Variants in SLC38A12 observed in about 807,000 individuals in gnomAD.
The protein encoded by SLC38A12 is solute carrier family 38 member 12.
chr17:74,833,638 C>T, the SLC38A12 span, among the ~76,000 whole-genome samples: 10 of 152,188 alleles, frequency 6.6e-5, no homozygotes, highest in African/African-American at 9.7e-5. Flanking sequence ...GGGATGCTCA[C>T]GTCCAGACAG....
the SLC38A12 span, chr17:74,838,318 T>G: frequency 1.0e-6 from 1 of 985,954 alleles, no homozygotes; most frequent in African/African-American, 1.7e-5. Context: ...TCAGGTTGGG[T>G]AGAGCAGGGG....
the SLC38A12 span, among the ~76,000 whole-genome samples, chr17:74,831,171 G>A: frequency 3.3e-5 from 5 of 152,184 alleles, no homozygotes; most frequent in South Asian, 8.3e-4. Flanking sequence ...CGCCTCCCGC[G>A]ACGGGGATCT....
At chr17:74,825,566 G>A in the SLC38A12 span, among the ~76,000 whole-genome samples, 1 of 152,182 alleles carries the variant, frequency 6.6e-6, no homozygotes, top group Non-Finnish European at 1.5e-5. Flanking sequence ...CCGAGCAAAG[G>A]GTGTTGCCCT....
At chr17:74,822,270 G>A in the SLC38A12 span, among the ~76,000 whole-genome samples, 3 of 152,196 alleles carry the variant, frequency 2.0e-5, no homozygotes, top group Non-Finnish European at 4.4e-5. Context: ...TTGCCATTCT[G>A]CTGTTGGAGA....
the SLC38A12 span, among the ~76,000 whole-genome samples, chr17:74,779,613 G>A: frequency 2.6e-5 from 4 of 152,194 alleles, no homozygotes; most frequent in African/African-American, 9.7e-5. Context: ...CAGATAAGCT[G>A]TGGAACTAAC....
chr17:74,827,359 A>G, the SLC38A12 span, among the ~76,000 whole-genome samples: 2 of 151,188 alleles, frequency 1.3e-5, no homozygotes, highest in Non-Finnish European at 2.9e-5. This position sits in a 1 kb window ranked among gnomAD's most constrained non-coding sequence, Gnocchi z 4.7. Flanking sequence ...GCAGCAGCAC[A>G]ATCTCGGCTC....
At chr17:74,836,193 A>G in the SLC38A12 span, 1 of 1,612,466 alleles carries the variant, frequency 6.2e-7, no homozygotes, top group Admixed American at 1.7e-5. This position sits in a 1 kb window ranked among gnomAD's most constrained non-coding sequence, Gnocchi z 4.2. Flanking sequence ...CCGCGGCGAC[A>G]GCCTCATGGA....
chr17:74,796,127 A>G, the SLC38A12 span, among the ~76,000 whole-genome samples: 1 of 152,158 alleles, frequency 6.6e-6, no homozygotes, highest in Non-Finnish European at 1.5e-5. Context: ...TGGACAAGAG[A>G]AGACGATGAA....
At chr17:74,791,078 C>G in the SLC38A12 span, 1 of 1,566,602 alleles carries the variant, frequency 6.4e-7, no homozygotes, top group Middle Eastern at 1.9e-4. Context: ...AAACGGGGAG[C>G]TGGTGCTTCC....
At chr17:74,788,098 GTTTC>G in the SLC38A12 span, among the ~76,000 whole-genome samples, 1 of 152,200 alleles carries the variant, frequency 6.6e-6, no homozygotes, top group Middle Eastern at 3.4e-3. Context: ...CTGGCCTCAA[GTTTC>G]TTTAAGAGGA....
chr17:74,809,226 A>T, the SLC38A12 span, among the ~76,000 whole-genome samples: 2 of 152,134 alleles, frequency 1.3e-5, no homozygotes, highest in Non-Finnish European at 2.9e-5. Flanking sequence ...ACTTGCCTTG[A>T]AAAGGGGGAA....
chr17:74,806,751 C>T, the SLC38A12 span, among the ~76,000 whole-genome samples: 21 of 152,210 alleles, frequency 1.4e-4, 1 homozygote, highest in Admixed American at 1.0e-3. Context: ...CTCCTCTGTC[C>T]GATAGGATGG....
chr17:74,802,730 CA>C, the SLC38A12 span, among the ~76,000 whole-genome samples: 6 of 152,108 alleles, frequency 3.9e-5, no homozygotes, highest in Non-Finnish European at 7.4e-5. Flanking sequence ...TGTCAGTGCT[CA>C]AAAAGTTTCA....
At chr17:74,795,594 G>A in the SLC38A12 span, 1 of 1,614,064 alleles carries the variant, frequency 6.2e-7, no homozygotes, top group Non-Finnish European at 8.5e-7. Context: ...CCGGTGCTGG[G>A]GGCCCCTGCG....
the SLC38A12 span, among the ~76,000 whole-genome samples, chr17:74,834,260 C>T: frequency 7.2e-5 from 11 of 151,924 alleles, no homozygotes; most frequent in Non-Finnish European, 1.5e-4. Context: ...GGAACTAGGT[C>T]GCCGCTTCCG....
chr17:74,830,440 C>G, the SLC38A12 span, among the ~76,000 whole-genome samples: 1 of 152,228 alleles, frequency 6.6e-6, no homozygotes, highest in African/African-American at 2.4e-5. Context: ...CCTGCAGGGA[C>G]TTCTTATCTG....
At chr17:74,838,565 G>GATCT in the SLC38A12 span, 2 of 1,186,850 alleles carry the variant, frequency 1.7e-6, no homozygotes, top group Non-Finnish European at 2.1e-6. Context: ...GGAGTCGGTG[G>GATCT]CCGTGTTCCC....
the SLC38A12 span, among the ~76,000 whole-genome samples, chr17:74,789,943 T>A: frequency 9.1e-6 from 1 of 109,660 alleles, no homozygotes; most frequent in Non-Finnish European, 2.0e-5. Flanking sequence ...TCTCTTTCTT[T>A]TTTGTTTTTT....
the SLC38A12 span, chr17:74,836,218 A>C: frequency 6.2e-7 from 1 of 1,610,452 alleles, no homozygotes; most frequent in Non-Finnish European, 8.5e-7. This position sits in a 1 kb window ranked among gnomAD's most constrained non-coding sequence, Gnocchi z 4.2. Flanking sequence ...TACACCCTCA[A>C]CTTCGCGCGC....
Sources: allele counts gnomAD v4.1 joint callset (sites outside exome capture counted in the v4.1 genomes callset), GRCh38; gene constraint gnomAD v4.1.1; non-coding constraint Gnocchi (gnomAD v3.1); transcripts MANE v1.5; gene names NCBI Gene and HGNC (gene_info 2026-07-23, HGNC 2026-07-21).